Variants in ZSCAN32 observed in about 807,000 individuals in gnomAD.
ZSCAN32 encodes the protein zinc finger and SCAN domain-containing protein 32.
Under a neutral mutation model 47.4 loss-of-function variants are expected in ZSCAN32, and 52 were observed. That is an observed-to-expected ratio of 1.10 (90% CI 0.88 to 1.38). The LOEUF (loss-of-function observed/expected upper bound fraction) is 1.38. Among genes scored for constraint, ZSCAN32 ranks in the 40% most tolerant of loss-of-function variants. The pLI is 0.00. For missense variants in ZSCAN32, 959 were observed against 846.0 expected (o/e 1.13, Z -1.66); for synonymous variants, 346 against 305.7 (o/e 1.13, Z -1.38).
rs539503860 is a variant in ZSCAN32, at chr16:3,394,801, C to T, written c.367-987G>A. On this transcript the variant is annotated intron_variant, in intron 2 of 6. Coordinates refer to ENST00000396852, the MANE Select transcript of ZSCAN32 (RefSeq NM_001284527.2). ...AGCCCTCCCTTCTTCCTCTCAAACCCGCCCAGTCTTTTCCCACCTTAGGCT... is the reference window on the plus strand; with the variant it reads ...AGCCCTCCCTTCTTCCTCTCAAACCTGCCCAGTCTTTTCCCACCTTAGGCT... Among the ~76,000 whole-genome samples the T allele has an allele frequency of 1.6e-3, 244 of 152,244 alleles. 2 individuals are homozygous for T. Among genetic ancestry groups the T allele is most frequent in the African/African-American group, 5.6e-3 (234 of 41,548 alleles).
intron 3 of ZSCAN32, 137 bp from the exon 4 acceptor site, chr16:3,390,654 A>C: frequency 3.1e-6 from 2 of 636,888 alleles, no homozygotes; most frequent in East Asian, 3.1e-5. Context: ...CTGGGGCCCC[A>C]CCTCAGATCT....
At chr16:3,391,487 G>GC (rs1417557190) in intron 3 of ZSCAN32, among the ~76,000 whole-genome samples, 1 of 151,936 alleles carries the variant, frequency 6.6e-6, no homozygotes, top group East Asian at 1.9e-4. Context: ...AGACCAGCCT[G>GC]CCCAACATGG....
chr16:3,386,580 G>A (rs2032021164), intron 5 of ZSCAN32, among the ~76,000 whole-genome samples: 1 of 152,206 alleles, frequency 6.6e-6, no homozygotes, highest in South Asian at 2.1e-4. Context: ...AGAAAATGTG[G>A]CATGTATACA....
intron 5 of ZSCAN32, 38 bp downstream of exon 5, chr16:3,389,972 C>T (rs1437461955): frequency 3.2e-6 from 5 of 1,564,792 alleles, no homozygotes; most frequent in Non-Finnish European, 4.3e-6. Flanking sequence ...AACAACTGAA[C>T]ACATCCACCT....
At chr16:3,395,663 A>G (rs2033304027) in intron 2 of ZSCAN32, among the ~76,000 whole-genome samples, 1 of 152,148 alleles carries the variant, frequency 6.6e-6, no homozygotes, top group South Asian at 2.1e-4. Context: ...TAGGTTTCAA[A>G]TAGGTGTTTA....
chr16:3,386,217 A>C (rs2031969424), intron 5 of ZSCAN32, among the ~76,000 whole-genome samples: 1 of 152,234 alleles, frequency 6.6e-6, no homozygotes, highest in Non-Finnish European at 1.5e-5. Flanking sequence ...CCATCAGAGA[A>C]ATGCAAATCA....
At position 3,391,129 on chromosome 16, in the gene ZSCAN32, G is replaced by A. The variant is rs892901258; in HGVS notation, c.533-612C>T. 7.9e-5 allele frequency among the ~76,000 whole-genome samples: 12 copies of A among 152,290 alleles called. 1 individual carries two copies. The South Asian group carries it at 1.7e-3, about 21-fold the overall frequency. ...ATGACTTATTAATGGAACTTCAGTG[G>A]CAACTCAGAGGTATGTGACCCTTCG... On this transcript the variant is annotated intron_variant, in intron 3 of 6. Coordinates refer to ENST00000396852, the MANE Select transcript of ZSCAN32 (RefSeq NM_001284527.2).
rs1161721912 is a variant in ZSCAN32 at position 3,383,168 on chromosome 16, A to G, written c.1778T>C (p.Ile593Thr). The G allele has an allele frequency of 1.3e-5, 21 of 1,614,040 alleles. No homozygotes were observed. Among genetic ancestry groups the G allele is most frequent in the East Asian group, 2.2e-5 (1 of 44,888 alleles). ...GKSFNQSSSL[I>T]VHQRTHTGEK... is the part of the protein sequence containing the mutation. The stretch of plus-strand genomic sequence containing the variant: ...CCCGGTATGGGTCCTCTGGTGGACA[A>G]TGAGGCTGGAACTCTGGTTGAAGCT... Residue 593 changes from isoleucine to threonine, a missense_variant, in exon 7 of 7, where the codon ATT becomes ACT. By Grantham distance (89) the Ile-to-Thr change is moderately conservative (BLOSUM62 -1). Transcript: ENST00000396852.
At chr16:3,389,012 AATAAG>A (rs2032341583) in intron 5 of ZSCAN32, among the ~76,000 whole-genome samples, 1 of 152,244 alleles carries the variant, frequency 6.6e-6, no homozygotes, top group African/African-American at 2.4e-5. Context: ...AATTTCACCT[AATAAG>A]TTAAAAATCA....
At chr16:3,386,059 A>G (rs1188577710) in intron 5 of ZSCAN32, among the ~76,000 whole-genome samples, 1 of 152,244 alleles carries the variant, frequency 6.6e-6, no homozygotes, top group Admixed American at 6.5e-5. Flanking sequence ...ACAAAGGGCT[A>G]ATATCCAGAA....
Position 3,390,066 on chromosome 16 carries a change from G to T in ZSCAN32, c.695C>A (p.Ala232Glu), listed in dbSNP as rs776134054. ...CQQEWMCPGP[A>E]QRALYRGATQ... ...GGCACCCCTGTAGAGGGCCCTTTGT[G>T]CAGGGCCTGGGCACATCCATTCTTG... The change falls in exon 5 of 7, where the codon GCA becomes GAA. Residue 232 changes from alanine (A) to glutamate (E), a missense_variant. Transcript: ENST00000396852. 3.1e-6 allele frequency: 5 copies of T among 1,614,026 alleles called. No individual in the cohort carries two copies. The highest frequency in any genetic ancestry group is 4.2e-6 in the Non-Finnish European group (5 of 1,179,978).
chr16:3,382,916 G>T lies in ZSCAN32; in HGVS notation c.2030C>A (p.Thr677Asn). ...TTTCATGTGTACTGTCTGATGACGGGTGAGGGCAGAGTTCTTAGTGAAGCC... is the reference window on the plus strand; with the variant it reads ...TTTCATGTGTACTGTCTGATGACGGTTGAGGGCAGAGTTCTTAGTGAAGCC... ...ERGFTKNSAL[T>N]RHQTVHMKAV... The change falls in exon 7 of 7, where the codon ACC becomes AAC. Residue 677 changes from threonine (T) to asparagine (N), a missense_variant. Thr to Asn is a moderately conservative substitution (Grantham distance 65). Coordinates refer to ENST00000396852, the MANE Select transcript of ZSCAN32 (RefSeq NM_001284527.2). The T allele has an allele frequency of 6.2e-7, 1 of 1,611,078 alleles. No homozygotes were observed. The highest frequency in any genetic ancestry group is 1.1e-5 in the South Asian group (1 of 90,818).
Position 3,383,281 on chromosome 16 carries a change from C to A in ZSCAN32, c.1665G>T (p.Gly555=). The change falls in exon 7 of 7, where the codon GGG becomes GGT. Residue 555 remains glycine (G), a synonymous_variant. Transcript: ENST00000396852. ...GGTTGGAGCGCTCACTAAAGCCCTT[C>A]CCGCACTCACTGCACTTGTGAGGCT... ...GEKPHKCSEC[G]KGFSERSNLT... is the part of the protein sequence containing the mutation. The A allele has an allele frequency of 6.2e-7, 1 of 1,614,218 alleles. No individual in the cohort carries two copies. Among genetic ancestry groups the A allele is most frequent in the Non-Finnish European group, 8.5e-7 (1 of 1,180,044 alleles).
At position 3,393,255 on chromosome 16, in the gene ZSCAN32, A is replaced by ATATATATATTTATATATATAT; in HGVS notation, c.532+393_532+394insATATATATATAAATATATATA. On this transcript the variant is annotated intron_variant, in intron 3 of 6. Coordinates refer to ENST00000396852, the MANE Select transcript of ZSCAN32 (RefSeq NM_001284527.2). The stretch of plus-strand genomic sequence containing the variant: ...ATTTATATATTTTATATATATATAT[A>ATATATATATTTATATATATAT]TTTTTTGTTTTCTTTGAGACAGCCC... Among the ~76,000 whole-genome samples, 28 of 16,154 alleles carry ATATATATATTTATATATATAT rather than the reference A, an allele frequency of 1.7e-3. 3 individuals are homozygous for ATATATATATTTATATATATAT. Among genetic ancestry groups the ATATATATATTTATATATATAT allele is most frequent in the African/African-American group, 0.011 (26 of 2,276 alleles). The allele number at this position is 16,154 out of a possible 152,430, so 10.6% of individuals were successfully genotyped here.
chr16:3,383,930 A>G (rs2031597953), intron 6 of ZSCAN32: 3 of 557,384 alleles, frequency 5.4e-6, no homozygotes, highest in Middle Eastern at 5.4e-4. Flanking sequence ...CTTTTCTCCT[A>G]TCTTTTTTCG....
In ZSCAN32 at chr16:3,382,736, G is replaced by A; in HGVS notation, c.*116C>T. 7.5e-6 allele frequency: 11 copies of A among 1,468,474 alleles called. No individual in the cohort carries two copies. Among genetic ancestry groups the A allele is most frequent in the Non-Finnish European group, 9.9e-6 (11 of 1,106,244 alleles). 91.0% of individuals were successfully genotyped at this position (1,468,474 alleles called of 1,614,324 possible). ...TCCTGGTCCTAGACATGGGTCTTAA[G>A]ATCCAGTAGTCAGTAGGTCTGTTGC... On this transcript the variant is annotated 3_prime_UTR_variant, in exon 7 of 7. Transcript: ENST00000396852.
intron 3 of ZSCAN32, among the ~76,000 whole-genome samples, chr16:3,392,423 A>C (rs901510983): frequency 2.7e-5 from 4 of 148,082 alleles, no homozygotes; most frequent in African/African-American, 1.0e-4. Flanking sequence ...TATGTTGCCC[A>C]GGTTGGTCTC....
rs760650821 is a variant in ZSCAN32 at position 3,382,817 on chromosome 16, C to T, written c.*35G>A. 2 of 1,532,372 alleles carry T rather than the reference C, an allele frequency of 1.3e-6. No homozygotes were observed. Among genetic ancestry groups the T allele is most frequent in the Non-Finnish European group, 8.8e-7 (1 of 1,138,634 alleles). 94.9% of individuals were successfully genotyped at this position (1,532,372 alleles called of 1,614,324 possible). A position where few individuals can be genotyped will look rare whatever the true frequency, so the allele number is the denominator to read the frequency against. Reference sequence around the variant, plus strand: ...GCAGAAGAAAGCTCATACATGCTGACCTGAGGAACTTAATCTGACAGTTTA... The same window carrying T: ...GCAGAAGAAAGCTCATACATGCTGATCTGAGGAACTTAATCTGACAGTTTA... On this transcript the variant is annotated 3_prime_UTR_variant, in exon 7 of 7. Coordinates refer to ENST00000396852, the MANE Select transcript of ZSCAN32 (RefSeq NM_001284527.2).
chr16:3,397,147 C>T, intron 2 of ZSCAN32, 45 bp downstream of exon 2: 1 of 1,471,814 alleles, frequency 6.8e-7, no homozygotes, highest in Non-Finnish European at 9.0e-7. Context: ...GATTCCCCGA[C>T]AACTTCATAA....
Sources: allele counts gnomAD v4.1 joint callset (sites outside exome capture counted in the v4.1 genomes callset), GRCh38; gene constraint gnomAD v4.1.1; transcripts MANE v1.5; gene names NCBI Gene and HGNC (gene_info 2026-07-23, HGNC 2026-07-21).